Variants in AKAP12 observed in about 807,000 individuals in gnomAD.
AKAP12 encodes A-kinase anchor protein 12.
In AKAP12, 32 loss-of-function variants were observed where a neutral mutation model predicts 79.9. The ratio of observed to expected loss-of-function variants is 0.40; its 90% CI spans 0.30 to 0.54. The LOEUF (loss-of-function observed/expected upper bound fraction) is 0.54. AKAP12 is among the 20% of genes least tolerant of loss of function. The probability of loss-of-function intolerance (pLI) is 0.48; values close to 1 mark genes in which losing one functional copy is unlikely to be tolerated. For missense variants in AKAP12, 2,074 were observed against 2,177.0 expected, an observed-to-expected ratio of 0.95 and a Z score of 0.94; for synonymous variants, 808 against 857.0, an observed-to-expected ratio of 0.94 and a Z score of 1.00.
chr6:151,347,989 G>T (rs1778148142), intron 3 of AKAP12, among the ~76,000 whole-genome samples: 1 of 150,966 alleles, frequency 6.6e-6, no homozygotes, highest in African/African-American at 2.4e-5. Flanking sequence ...GGCTAACACG[G>T]TGAAACCCCG....
At chr6:151,298,234 G>T (rs891250791) in intron 2 of AKAP12, among the ~76,000 whole-genome samples, 1 of 152,050 alleles carries the variant, frequency 6.6e-6, no homozygotes, top group Admixed American at 6.6e-5. Context: ...GCTTTGTCCT[G>T]CCCAGTCCTA....
chr6:151,331,065 C>T (rs1199674655), intron 3 of AKAP12, among the ~76,000 whole-genome samples: 5 of 152,154 alleles, frequency 3.3e-5, no homozygotes, highest in Admixed American at 3.3e-4. Flanking sequence ...TGGAGATAAA[C>T]CCAGGTTAAT....
intron 3 of AKAP12, among the ~76,000 whole-genome samples, chr6:151,312,747 G>A (rs910427228): frequency 2.8e-5 from 4 of 141,534 alleles, no homozygotes; most frequent in Admixed American, 7.4e-5. Context: ...AGCCGAGATC[G>A]TGCCACTGCA....
At chr6:151,314,558 G>C (rs546687233) in intron 3 of AKAP12, among the ~76,000 whole-genome samples, 2 of 152,254 alleles carry the variant, frequency 1.3e-5, no homozygotes, top group African/African-American at 4.8e-5. Context: ...ATTGGTTATA[G>C]CCAGGGATGG....
Position 151,349,666 on chromosome 6 carries a change from G to A in AKAP12, c.1275G>A (p.Glu425=). The change falls in exon 4 of 5, where the codon GAG becomes GAA. Residue 425 remains glutamate, a synonymous_variant. Coordinates refer to ENST00000402676, the MANE Select transcript of AKAP12 (RefSeq NM_005100.4). ...VVAEVHVSTV[E]ERTEEQKTEV... is the part of the protein sequence containing the mutation. Reference sequence around the variant, plus strand: ...CCGAAGTCCACGTCAGCACCGTGGAGGAGAGAACCGAAGAGCAGAAAACGG... The same window carrying A: ...CCGAAGTCCACGTCAGCACCGTGGAAGAGAGAACCGAAGAGCAGAAAACGG... 1 of 1,614,074 alleles carries A rather than the reference G, an allele frequency of 6.2e-7. No homozygotes were observed. The highest frequency in any genetic ancestry group is 8.5e-7 in the Non-Finnish European group (1 of 1,180,014).
rs750270867 is a variant in AKAP12, at chr6:151,349,699, A to G, written c.1308A>G (p.Glu436=). 51 of 1,614,034 alleles carry G rather than the reference A, an allele frequency of 3.2e-5. No individual in the cohort carries two copies. The highest frequency in any genetic ancestry group is 4.2e-5 in the Non-Finnish European group (50 of 1,180,034). The change falls in exon 4 of 5, where the codon GAA becomes GAG. Residue 436 remains glutamate (E), a synonymous_variant. Coordinates refer to ENST00000402676, the MANE Select transcript of AKAP12 (RefSeq NM_005100.4). ...CCGAAGAGCAGAAAACGGAGGTGGAAGAAACAGCAGGGTCTGTGCCAGCTG... is the reference window on the plus strand; with the variant it reads ...CCGAAGAGCAGAAAACGGAGGTGGAGGAAACAGCAGGGTCTGTGCCAGCTG... ...ERTEEQKTEV[E]ETAGSVPAEE... is the part of the protein sequence containing the mutation.
intron 3 of AKAP12, among the ~76,000 whole-genome samples, chr6:151,326,515 G>T (rs979184395): frequency 1.4e-5 from 2 of 144,386 alleles, no homozygotes. Flanking sequence ...AAGAAAAAAA[G>T]AAAAAAGTAT....
At chr6:151,256,948 C>CTATATATATATATA (rs57384016) in intron 2 of AKAP12, among the ~76,000 whole-genome samples, 3,047 of 145,812 alleles carry the variant, frequency 0.021, 123 homozygotes, top group African/African-American at 0.073. Context: ...CGCGCCCGGC[C>CTATATATATATATA]TATATATATA....
rs144684354 is a variant in AKAP12 at position 151,253,856 on chromosome 6, G to A, written c.162+13132G>A. On this transcript the variant is annotated intron_variant, in intron 2 of 4. Coordinates refer to ENST00000402676, the MANE Select transcript of AKAP12 (RefSeq NM_005100.4). ...TGAGTAGCTGGAATTACAGGTGTGA[G>A]CCACCACACCTGGCTAATTTTTTTG... 8.6e-3 allele frequency among the ~76,000 whole-genome samples: 1,301 copies of A among 151,996 alleles called. 18 individuals carry two copies. Among genetic ancestry groups the A allele is most frequent in the African/African-American group, 0.03 (1,246 of 41,440 alleles).
At chr6:151,282,703 G>C (rs1455434249) in intron 2 of AKAP12, among the ~76,000 whole-genome samples, 1 of 152,156 alleles carries the variant, frequency 6.6e-6, no homozygotes, top group Non-Finnish European at 1.5e-5. Context: ...ACTGCTCACA[G>C]GGATTCTTTG....
rs949392355 is a variant in AKAP12, at chr6:151,240,638, G to A, written c.76G>A (p.Glu26Lys). The change falls in exon 2 of 5, where the codon GAG (glutamate) becomes AAG (lysine). Residue 26 changes from glutamate to lysine, a missense_variant. Coordinates refer to ENST00000402676, the MANE Select transcript of AKAP12 (RefSeq NM_005100.4). ...GGGGAGCTCCACGCCGGCTGAGCCC[G>A]AGCCCAGCGGCGGCGGCCCCTCGGC... ...PEGSSTPAEP[E>K]PSGGGPSAEA... 8 of 1,350,890 alleles carry A rather than the reference G, an allele frequency of 5.9e-6. No individual in the cohort carries two copies. In the African/African-American group the frequency reaches 1.1e-4, roughly 18 times the overall value. 83.7% of individuals were successfully genotyped at this position (1,350,890 alleles called of 1,614,324 possible).
At chr6:151,281,877 T>A (rs1052236252) in intron 2 of AKAP12, among the ~76,000 whole-genome samples, 2 of 152,062 alleles carry the variant, frequency 1.3e-5, no homozygotes, top group Non-Finnish European at 2.9e-5. Flanking sequence ...TTTTAAATTT[T>A]GATGTAGGGA....
intron 3 of AKAP12, among the ~76,000 whole-genome samples, chr6:151,331,578 T>A (rs1777666742): frequency 6.6e-6 from 1 of 152,152 alleles, no homozygotes; most frequent in Non-Finnish European, 1.5e-5. Context: ...CAGCCTTTAT[T>A]TTTACTGCAT....
At chr6:151,353,977 A>G (rs1778371013) in intron 4 of AKAP12, among the ~76,000 whole-genome samples, 1 of 152,158 alleles carries the variant, frequency 6.6e-6, no homozygotes, top group Non-Finnish European at 1.5e-5. Flanking sequence ...ACTTCGTTTT[A>G]CCTCCTAATG....
chr6:151,312,180 A>T (rs1777120159), intron 3 of AKAP12, among the ~76,000 whole-genome samples: 1 of 152,134 alleles, frequency 6.6e-6, no homozygotes, highest in African/African-American at 2.4e-5. Flanking sequence ...GCTAAAATAT[A>T]AGAATCAAGC....
At chr6:151,247,013 G>A (rs1797087786) in intron 2 of AKAP12, among the ~76,000 whole-genome samples, 1 of 152,074 alleles carries the variant, frequency 6.6e-6, no homozygotes, top group Non-Finnish European at 1.5e-5. Flanking sequence ...GGCTGGTCTG[G>A]ACCTCCTGGA....
intron 3 of AKAP12, among the ~76,000 whole-genome samples, chr6:151,339,761 C>A (rs1448713612): frequency 2.0e-5 from 3 of 152,152 alleles, no homozygotes; most frequent in Non-Finnish European, 4.4e-5. Flanking sequence ...TCCCCCAACC[C>A]CTGGCAGCCA....
intron 3 of AKAP12, among the ~76,000 whole-genome samples, chr6:151,321,381 CTT>C (rs374616529): frequency 6.8e-4 from 104 of 152,320 alleles, no homozygotes; most frequent in African/African-American, 2.3e-3. Context: ...CCACTAACTA[CTT>C]TATGTCTATG....
Position 151,350,812 on chromosome 6 carries a change from C to A in AKAP12, c.2421C>A (p.Ile807=). Residue 807 remains isoleucine (I), a synonymous_variant, in exon 4 of 5, where the codon ATC becomes ATA. Coordinates refer to ENST00000402676, the MANE Select transcript of AKAP12 (RefSeq NM_005100.4). The surrounding 1 kb of genome is among the most constrained non-coding windows in gnomAD (Gnocchi z 4.8). ...EPGKEESWVS[I]KKFIPGRRKK... is the part of the protein sequence containing the mutation. Reference sequence around the variant, plus strand: ...GTAAAGAAGAATCCTGGGTCTCAATCAAGAAGTTTATTCCTGGACGAAGGA... The same window carrying A: ...GTAAAGAAGAATCCTGGGTCTCAATAAAGAAGTTTATTCCTGGACGAAGGA... 1 of 1,613,986 alleles carries A rather than the reference C, an allele frequency of 6.2e-7. No homozygotes were observed. The highest frequency in any genetic ancestry group is 8.5e-7 in the Non-Finnish European group (1 of 1,179,950).
Sources: allele counts gnomAD v4.1 joint callset (sites outside exome capture counted in the v4.1 genomes callset), GRCh38; gene constraint gnomAD v4.1.1; non-coding constraint Gnocchi (gnomAD v3.1); transcripts MANE v1.5; gene names NCBI Gene and HGNC (gene_info 2026-07-23, HGNC 2026-07-21).